IL1RAP: variants seen among roughly 807,000 people sequenced by gnomAD.
The protein encoded by IL1RAP is interleukin-1 receptor accessory protein.
A neutral mutation model predicts 60.7 loss-of-function variants in IL1RAP; 35 were observed. That is an observed-to-expected ratio of 0.58 (90% confidence interval 0.44 to 0.76). IL1RAP has a LOEUF of 0.76. Among genes scored for constraint, IL1RAP ranks in the 30% least tolerant of loss-of-function variants. The pLI, the probability that IL1RAP is intolerant of heterozygous loss-of-function variation, is 0.00. For synonymous variants in IL1RAP, 268 were observed against 250.9 expected, an observed-to-expected ratio of 1.07 and a Z score of -0.64; for missense variants, 572 against 693.9, an observed-to-expected ratio of 0.82 and a Z score of 1.97.
chr3:190,547,764 C>T (rs982557174), intron 1 of IL1RAP, among the ~76,000 whole-genome samples: 1 of 152,176 alleles, frequency 6.6e-6, no homozygotes, highest in African/African-American at 2.4e-5. Flanking sequence ...GACTTTAACT[C>T]TTCCTAATAA....
intron 1 of IL1RAP, chr3:190,518,908 A>G (rs1237811669): frequency 2.6e-5 from 4 of 152,334 alleles, no homozygotes; most frequent in Non-Finnish European, 5.9e-5. Flanking sequence ...GAGCCAAACC[A>G]TATCAGCCTG....
exon 12 of IL1RAP, chr3:190,659,692 T>A (rs918203188): frequency 1.3e-5 from 2 of 152,212 alleles, no homozygotes; most frequent in African/African-American, 4.8e-5. Flanking sequence ...TGTTTGAACA[T>A]GGTCTCTCTG....
At position 190,586,732 on chromosome 3, in the gene IL1RAP, G is replaced by A. The variant is rs565146653; in HGVS notation, c.65-17396G>A. ...GCTAATGCCCCAGGGAGCTGCCTTCGAGGACAGCTTGACATTTCTGACTCC... is the reference window on the plus strand; with the variant it reads ...GCTAATGCCCCAGGGAGCTGCCTTCAAGGACAGCTTGACATTTCTGACTCC... On this transcript the variant is annotated intron_variant, in intron 3 of 11. Transcript: ENST00000447382. Among the ~76,000 whole-genome samples the A allele has an allele frequency of 1.2e-4, 18 of 152,010 alleles. 1 individual carries two copies. The highest frequency in any genetic ancestry group is 4.1e-4 in the South Asian group (2 of 4,826).
intron 6 of IL1RAP, among the ~76,000 whole-genome samples, chr3:190,622,390 G>A (rs1731854767): frequency 6.6e-6 from 1 of 152,152 alleles, no homozygotes; most frequent in African/African-American, 2.4e-5. Flanking sequence ...ATGTCCTAAA[G>A]TTTAATTCAA....
intron 5 of IL1RAP, among the ~76,000 whole-genome samples, chr3:190,616,648 G>C (rs1009620871): frequency 6.6e-6 from 1 of 152,078 alleles, no homozygotes; most frequent in African/African-American, 2.4e-5. Context: ...TTCAAACCTT[G>C]TATCTCAATT....
intron 1 of IL1RAP, among the ~76,000 whole-genome samples, chr3:190,534,930 A>AAAAAAAAAAAAAAAAAAAAAAAAG (rs1723311535): frequency 6.7e-6 from 1 of 149,078 alleles, no homozygotes; most frequent in African/African-American, 2.5e-5. Context: ...AAAAAAAAAA[A>AAAAAAAAAAAAAAAAAAAAAAAAG]AAAAGAAAAC....
At chr3:190,605,294 A>G (rs1447084998) in intron 4 of IL1RAP, among the ~76,000 whole-genome samples, 8 of 94,882 alleles carry the variant, frequency 8.4e-5, no homozygotes, top group Non-Finnish European at 1.9e-4. Flanking sequence ...ACTCTTCAGT[A>G]TTCCTCTTTT....
At chr3:190,520,259 G>A (rs1307316028) in intron 1 of IL1RAP, among the ~76,000 whole-genome samples, 1 of 152,180 alleles carries the variant, frequency 6.6e-6, no homozygotes, top group Non-Finnish European at 1.5e-5. Context: ...TTGAACGGAT[G>A]ATGGGTTCAT....
intron 1 of IL1RAP, among the ~76,000 whole-genome samples, chr3:190,523,255 T>A (rs1390215000): frequency 6.6e-6 from 1 of 152,174 alleles, no homozygotes; most frequent in African/African-American, 2.4e-5. Context: ...GGCTGCTTGC[T>A]CTCTGAAATC....
intron 9 of IL1RAP, among the ~76,000 whole-genome samples, chr3:190,638,331 T>C (rs1288377455): frequency 1.3e-5 from 2 of 152,186 alleles, no homozygotes; most frequent in Non-Finnish European, 2.9e-5. Context: ...GGTATCTTAC[T>C]GTAGTTTAAT....
At chr3:190,554,094 G>C (rs1223145023) in intron 1 of IL1RAP, among the ~76,000 whole-genome samples, 1 of 145,624 alleles carries the variant, frequency 6.9e-6, no homozygotes, top group Non-Finnish European at 1.5e-5. Context: ...AAAAAGAAAT[G>C]AGAGGGAAAG....
Position 190,644,296 on chromosome 3 carries a change from C to G in IL1RAP, c.1100C>G (p.Thr367Arg). 6.2e-7 allele frequency: 1 copy of G among 1,613,800 alleles called. No individual in the cohort carries two copies. Among genetic ancestry groups the G allele is most frequent in the Non-Finnish European group, 8.5e-7 (1 of 1,179,844 alleles). Residue 367 changes from threonine (T) to arginine (R), a missense_variant, in exon 10 of 12, where the codon ACA becomes AGA. Transcript: ENST00000447382. ...GAACTGGCTTGTGGTTTTGGAGCCA[C>G]AGTCCTGCTAGTGGTGATTCTCATT... ...TVELACGFGA[T>R]VLLVVILIVV...
chr3:190,651,256 A>G lies in IL1RAP; in HGVS notation c.*2551A>G. ...AAGAACTGTGATATATAGAGTGTCT[A>G]ATTACAAAATCATATACGATTTATT... On this transcript the variant is annotated 3_prime_UTR_variant, in exon 12 of 12. Coordinates refer to ENST00000447382, the MANE Select transcript of IL1RAP (RefSeq NM_002182.4). 1.0e-6 allele frequency: 1 copy of G among 969,012 alleles called. No individual in the cohort carries two copies. The highest frequency in any genetic ancestry group is 1.2e-6 in the Non-Finnish European group (1 of 815,040). The allele number at this position is 969,012 out of a possible 1,614,324, so 60.0% of individuals were successfully genotyped here.
chr3:190,645,836 G>A lies in IL1RAP; in HGVS notation c.1339G>A (p.Gly447Arg). 2 of 1,612,514 alleles carry A rather than the reference G, an allele frequency of 1.2e-6. No individual in the cohort carries two copies. Among genetic ancestry groups the A allele is most frequent in the Non-Finnish European group, 8.5e-7 (1 of 1,179,150 alleles). Residue 447 changes from glycine to arginine, a missense_variant, in exon 11 of 12, where the codon GGG becomes AGG. By Grantham distance (125) the Gly-to-Arg change is moderately radical. Transcript: ENST00000447382. ...CATCTTTGACCGAGACAGTCTGCCT[G>A]GGGGAAGTAGGTATTTCAGAGGAGT... ...LCIFDRDSLP[G>R]GIVTDETLSF...
At chr3:190,626,391 G>A (rs1452546547) in intron 7 of IL1RAP, among the ~76,000 whole-genome samples, 5 of 152,012 alleles carry the variant, frequency 3.3e-5, no homozygotes, top group Admixed American at 3.3e-4. Context: ...TTCTGCCTAG[G>A]GATCTCCCTA....
intron 1 of IL1RAP, among the ~76,000 whole-genome samples, chr3:190,519,525 C>T (rs1721828402): frequency 1.3e-5 from 2 of 151,914 alleles, no homozygotes; most frequent in Non-Finnish European, 2.9e-5. Context: ...CCTTTTGGTC[C>T]ACTACAGCAT....
intron 1 of IL1RAP, among the ~76,000 whole-genome samples, chr3:190,543,014 C>T (rs1001260213): frequency 2.0e-5 from 3 of 151,538 alleles, no homozygotes; most frequent in East Asian, 3.9e-4. Context: ...GGTGTAATTC[C>T]AGGCTGTTCC....
In IL1RAP at chr3:190,593,692, C is replaced by T. The variant is rs1323232789; in HGVS notation, c.65-10436C>T. ...GTGAGACGTATTCATATTATGAGAA[C>T]AGCACAGGAAAGACCCACCCCCATG... On this transcript the variant is annotated intron_variant, in intron 3 of 11. Coordinates refer to ENST00000447382, the MANE Select transcript of IL1RAP (RefSeq NM_002182.4). Among the ~76,000 whole-genome samples the T allele has an allele frequency of 3.3e-5, 5 of 152,058 alleles. No homozygotes were observed. In the East Asian group the frequency reaches 5.8e-4, roughly 18 times the overall value.
At chr3:190,641,225 A>G (rs1271298853) in intron 9 of IL1RAP, among the ~76,000 whole-genome samples, 1 of 152,216 alleles carries the variant, frequency 6.6e-6, no homozygotes, top group Non-Finnish European at 1.5e-5. Flanking sequence ...TTGGCCTCCC[A>G]AAGTGTTGGG....
Sources: allele counts gnomAD v4.1 joint callset (sites outside exome capture counted in the v4.1 genomes callset), GRCh38; gene constraint gnomAD v4.1.1; transcripts MANE v1.5; gene names NCBI Gene and HGNC (gene_info 2026-07-23, HGNC 2026-07-21).